The following KLHL5 variants were observed in gnomAD, a reference collection of about 807,000 sequenced individuals.
KLHL5 encodes kelch like family member 5, also known as kelch-like protein 5.
KLHL5 carries 48 observed loss-of-function variants against 77.7 expected under a neutral mutation model. That is an observed-to-expected ratio of 0.62 (90% CI 0.49 to 0.79). The LOEUF is 0.79. Among genes scored for constraint, KLHL5 ranks in the 30% least tolerant of loss-of-function variants. The probability of loss-of-function intolerance (pLI) is 0.00; values close to 1 mark genes in which losing one functional copy is unlikely to be tolerated. For synonymous variants in KLHL5, 260 were observed against 297.0 expected (o/e 0.88, Z 1.28); for missense variants, 723 against 859.7 (o/e 0.84, Z 1.99).
chr4:39,116,042 A>C (rs1251486500), intron 10 of KLHL5: 1 of 985,280 alleles, frequency 1.0e-6, no homozygotes, highest in Non-Finnish European at 1.2e-6. Context: ...CAAGAAAACA[A>C]AGCTTCTAGG....
At chr4:39,097,402 T>G (rs1170199230) in intron 6 of KLHL5, among the ~76,000 whole-genome samples, 1 of 152,244 alleles carries the variant, frequency 6.6e-6, no homozygotes, top group Non-Finnish European at 1.5e-5. Flanking sequence ...ACATGTTTAC[T>G]AGTTACAAAG....
upstream of KLHL5, among the ~76,000 whole-genome samples, chr4:39,058,300 A>C (rs1490046394): frequency 1.3e-5 from 2 of 152,314 alleles, no homozygotes; most frequent in East Asian, 3.8e-4. Context: ...AATTCTTAGA[A>C]TAACATTGTG....
At chr4:39,087,114 T>C (rs1393746522) in intron 5 of KLHL5, among the ~76,000 whole-genome samples, 1 of 152,076 alleles carries the variant, frequency 6.6e-6, no homozygotes, top group Non-Finnish European at 1.5e-5. Flanking sequence ...TTTCACCATA[T>C]TGGCCAGGCT....
In KLHL5 at chr4:39,080,306, T is replaced by G. The variant is rs62296133; in HGVS notation, c.567-797T>G. On this transcript the variant is annotated intron_variant, in intron 2 of 10. Coordinates refer to ENST00000504108, the MANE Select transcript of KLHL5 (RefSeq NM_015990.5). Reference sequence around the variant, plus strand: ...CTTTGGGAGGCTCAGGTGGGCTGATTACTTAAGGCCAGGAGTTCAAGACCA... The same window carrying G: ...CTTTGGGAGGCTCAGGTGGGCTGATGACTTAAGGCCAGGAGTTCAAGACCA... 5.0e-3 allele frequency among the ~76,000 whole-genome samples: 762 copies of G among 152,130 alleles called. 1 individual carries two copies. Among genetic ancestry groups the G allele is most frequent in the Middle Eastern group, 0.01 (3 of 294 alleles).
chr4:39,093,655 C>A (rs1183156682), intron 5 of KLHL5, among the ~76,000 whole-genome samples: 1 of 152,120 alleles, frequency 6.6e-6, no homozygotes, highest in African/African-American at 2.4e-5. Flanking sequence ...CCTGTGATCC[C>A]AGCACTGTGG....
chr4:39,137,821 A>T, the KLHL5 span, among the ~76,000 whole-genome samples: 3 of 152,212 alleles, frequency 2.0e-5, no homozygotes, highest in Non-Finnish European at 4.4e-5. Flanking sequence ...AAGCATAAAA[A>T]TAAATAAGAT....
intron 6 of KLHL5, among the ~76,000 whole-genome samples, chr4:39,101,306 A>G (rs542637305): frequency 6.6e-6 from 1 of 151,832 alleles, no homozygotes; most frequent in Non-Finnish European, 1.5e-5. Flanking sequence ...TCATGAAGAA[A>G]GATGATTAGC....
chr4:39,106,480 G>A lies in KLHL5; in HGVS notation c.1526-1089G>A, dbSNP rs536062344. 9.9e-5 allele frequency among the ~76,000 whole-genome samples: 15 copies of A among 152,228 alleles called. No individual in the cohort carries two copies. The South Asian group carries it at 1.0e-3, about 11-fold the overall frequency. The stretch of plus-strand genomic sequence containing the variant: ...ACCCGTTATATTCTATTGAGTGCCC[G>A]GTACTTAGTAGACATGCAGTAGGTA... On this transcript the variant is annotated intron_variant, in intron 7 of 10. Transcript: ENST00000504108.
intron 6 of KLHL5, 28 bp downstream of exon 6, chr4:39,096,906 G>A: frequency 6.4e-7 from 1 of 1,552,276 alleles, no homozygotes; most frequent in Non-Finnish European, 8.9e-7. Context: ...ATTTGGGGAG[G>A]GAGGACCAGA....
chr4:39,099,156 C>T (rs1214844706), intron 6 of KLHL5, among the ~76,000 whole-genome samples: 1 of 152,002 alleles, frequency 6.6e-6, no homozygotes, highest in African/African-American at 2.4e-5. Flanking sequence ...GGCATGGTGG[C>T]AGGTGCCTGT....
intron 1 of KLHL5, among the ~76,000 whole-genome samples, chr4:39,070,713 A>C (rs754989318): frequency 2.0e-5 from 3 of 152,222 alleles, no homozygotes; most frequent in South Asian, 2.1e-4. Flanking sequence ...TCTTCACCAC[A>C]GATATTCTGG....
At chr4:39,091,853 T>TG (rs1393288209) in intron 5 of KLHL5, among the ~76,000 whole-genome samples, 17 of 143,096 alleles carry the variant, frequency 1.2e-4, no homozygotes, top group Middle Eastern at 3.4e-3. Flanking sequence ...TTTTTTTTTT[T>TG]TTTTTTTTTT....
At chr4:39,119,559 T>C (rs1241733847) in intron 10 of KLHL5, among the ~76,000 whole-genome samples, 3 of 152,200 alleles carry the variant, frequency 2.0e-5, no homozygotes, top group Admixed American at 6.5e-5. Context: ...CACTCCAGCC[T>C]GGGTGACAGT....
intron 10 of KLHL5, among the ~76,000 whole-genome samples, chr4:39,119,995 T>G (rs1388165253): frequency 6.6e-6 from 1 of 152,198 alleles, no homozygotes. Flanking sequence ...GAGAATTCTC[T>G]TATAACTGAA....
the KLHL5 span, among the ~76,000 whole-genome samples, chr4:39,141,907 G>A: frequency 2.6e-5 from 4 of 152,186 alleles, no homozygotes; most frequent in African/African-American, 9.7e-5. Context: ...TTAGAATTCA[G>A]TGGGCAAAAA....
chr4:39,135,082 T>C, the KLHL5 span, among the ~76,000 whole-genome samples: 2 of 152,116 alleles, frequency 1.3e-5, no homozygotes, highest in South Asian at 2.1e-4. Flanking sequence ...TAACAGAGGA[T>C]TGGACTCAGA....
chr4:39,067,011 A>C (rs866985381), intron 1 of KLHL5, among the ~76,000 whole-genome samples: 6 of 152,230 alleles, frequency 3.9e-5, no homozygotes, highest in Non-Finnish European at 7.3e-5. Flanking sequence ...CCTGTTATTT[A>C]TATCTCACAT....
intron 1 of KLHL5, among the ~76,000 whole-genome samples, chr4:39,049,220 T>C (rs1716440271): frequency 6.6e-6 from 1 of 152,210 alleles, no homozygotes; most frequent in African/African-American, 2.4e-5. Context: ...AGCATTTCTT[T>C]GTGTATGTGA....
chr4:39,102,525 C>G (rs963313153), intron 6 of KLHL5, among the ~76,000 whole-genome samples: 79 of 152,160 alleles, frequency 5.2e-4, no homozygotes, highest in Non-Finnish European at 9.6e-4. Context: ...TCCCTCCTCC[C>G]GTGAAAGACA....
Sources: allele counts gnomAD v4.1 joint callset (sites outside exome capture counted in the v4.1 genomes callset), GRCh38; gene constraint gnomAD v4.1.1; transcripts MANE v1.5; gene names NCBI Gene and HGNC (gene_info 2026-07-23, HGNC 2026-07-21).